Variants in TMEM115 observed in about 807,000 individuals in gnomAD.
TMEM115 encodes PP6.
TMEM115 carries 8 observed loss-of-function variants against 20.1 expected under a neutral mutation model. The ratio of observed to expected loss-of-function variants is 0.40; its 90% CI spans 0.23 to 0.72. The LOEUF is 0.72. TMEM115 is among the 30% of genes least tolerant of loss of function. The probability of loss-of-function intolerance (pLI) is 0.39; values close to 1 mark genes in which losing one functional copy is unlikely to be tolerated. For synonymous variants in TMEM115, 229 were observed against 206.2 expected (o/e 1.11, Z -0.95); for missense variants, 374 against 455.1 (o/e 0.82, Z 1.62).
At chr3:50,355,597 A>T in intron 1 of TMEM115, 50 bp from the exon 2 acceptor site, 2 of 1,513,434 alleles carry the variant, frequency 1.3e-6, no homozygotes, top group East Asian at 4.9e-5. Context: ...GCCTTGGCTC[A>T]TGCCCTCTAC....
rs774559391 is a variant in TMEM115, at chr3:50,358,417, C to T, written c.647G>A (p.Gly216Glu). ...RFYQRHSRGRGDMADHFAFAT... is the reference protein window; with the variant it reads ...RFYQRHSRGREDMADHFAFAT... ...GAAAGCAAAGTGGTCAGCCATGTCC[C>T]CTCGGCCCCGGCTATGGCGCTGGTA... is the stretch of plus-strand genomic sequence containing the variant. Residue 216 changes from glycine (G) to glutamate (E), a missense_variant, in exon 1 of 2, where the codon GGG becomes GAG. Physicochemically the swap from Gly to Glu is moderately conservative, Grantham distance 98. Coordinates refer to ENST00000266025, the MANE Select transcript of TMEM115 (RefSeq NM_007024.5). 2.5e-6 allele frequency: 4 copies of T among 1,613,932 alleles called. No homozygotes were observed. The highest frequency in any genetic ancestry group is 3.4e-6 in the Non-Finnish European group (4 of 1,180,038).
chr3:50,359,180 G>C lies in TMEM115; in HGVS notation c.-117C>G. 7.1e-7 allele frequency: 1 copy of C among 1,407,584 alleles called. No homozygotes were observed. Among genetic ancestry groups the C allele is most frequent in the South Asian group, 1.5e-5 (1 of 66,286 alleles). 87.2% of individuals were successfully genotyped at this position (1,407,584 alleles called of 1,614,324 possible). On this transcript the variant is annotated 5_prime_UTR_variant, in exon 1 of 2. Transcript: ENST00000266025. ...GGCCCGGCCTAGTCACTGGCCTATG[G>C]CCCTGGTAAAGGATCCGCTTCCGAT...
rs763228430 is a variant in TMEM115 at position 50,358,262 on chromosome 3, T to C, written c.802A>G (p.Ile268Val). ...TCTGTGCCTGGCAGGCTGATGGTGA[T>C]GGAGGATGGGGCACCCACATCGTAG... ...KRYDVGAPSS[I>V]TISLPGTDPQ... The change falls in exon 1 of 2, where the codon ATC becomes GTC. Residue 268 changes from isoleucine to valine, a missense_variant. Coordinates refer to ENST00000266025, the MANE Select transcript of TMEM115 (RefSeq NM_007024.5). The C allele has an allele frequency of 6.2e-7, 1 of 1,613,832 alleles. No individual in the cohort carries two copies. The highest frequency in any genetic ancestry group is 1.7e-5 in the Admixed American group (1 of 60,020).
intron 1 of TMEM115, 148 bp from the exon 2 acceptor site, chr3:50,355,695 A>T: frequency 3.1e-6 from 2 of 641,824 alleles, no homozygotes; most frequent in Non-Finnish European, 4.8e-6. Context: ...AGAGCCTGGG[A>T]CTCCCCAGAG....
chr3:50,359,285 G>C lies in TMEM115; in HGVS notation c.-222C>G. The C allele has an allele frequency of 1.4e-6, 1 of 713,096 alleles. No individual in the cohort carries two copies. Among genetic ancestry groups the C allele is most frequent in the South Asian group, 2.0e-5 (1 of 50,244 alleles). 44.2% of individuals were successfully genotyped at this position (713,096 alleles called of 1,614,324 possible). A position where few individuals can be genotyped will look rare whatever the true frequency, so the allele number is the denominator to read the frequency against. On this transcript the variant is annotated 5_prime_UTR_variant, in exon 1 of 2. Coordinates refer to ENST00000266025, the MANE Select transcript of TMEM115 (RefSeq NM_007024.5). ...CGTAGGCCCCTCGCCCGGGACCTGA[G>C]GGAAGGCCCTGGACGGCTGCGGCAC...
In TMEM115 at chr3:50,358,243, C is replaced by A. The variant is rs1284432250; in HGVS notation, c.821G>T (p.Gly274Val). The change falls in exon 1 of 2, where the codon GGC becomes GTC. Residue 274 changes from glycine (G) to valine (V), a missense_variant. Transcript: ENST00000266025. ...CCGCTCGGCGTCTTGAGGGTCTGTG[C>A]CTGGCAGGCTGATGGTGATGGAGGA... is the stretch of plus-strand genomic sequence containing the variant. ...APSSITISLP[G>V]TDPQDAERRR... 3.1e-6 allele frequency: 5 copies of A among 1,613,644 alleles called. No homozygotes were observed. Among genetic ancestry groups the A allele is most frequent in the Non-Finnish European group, 3.4e-6 (4 of 1,179,936 alleles).
chr3:50,355,922 T>C (rs1004023337), intron 1 of TMEM115, among the ~76,000 whole-genome samples: 2 of 152,206 alleles, frequency 1.3e-5, no homozygotes, highest in African/African-American at 4.8e-5. Flanking sequence ...TTCTGGAGTT[T>C]CCAGGAGTTT....
chr3:50,355,307 T>G lies in TMEM115; in HGVS notation c.*36A>C. 2 of 1,421,468 alleles carry G rather than the reference T, an allele frequency of 1.4e-6. No homozygotes were observed. The highest frequency in any genetic ancestry group is 1.9e-6 in the Non-Finnish European group (2 of 1,067,344). 88.1% of individuals were successfully genotyped at this position (1,421,468 alleles called of 1,614,324 possible). ...AGCTGAGAGGATGTCAAGGGGGGCT[T>G]GGGAGGGGAGGTGCCACACTCAAGG... On this transcript the variant is annotated 3_prime_UTR_variant, in exon 2 of 2. Coordinates refer to ENST00000266025, the MANE Select transcript of TMEM115 (RefSeq NM_007024.5).
rs868361120 is a variant in TMEM115, at chr3:50,358,719, G to A, written c.345C>T (p.Phe115=). The A allele has an allele frequency of 1.9e-6, 3 of 1,613,528 alleles. No individual in the cohort carries two copies. The highest frequency in any genetic ancestry group is 1.3e-5 in the African/African-American group (1 of 75,068). Residue 115 remains phenylalanine, a synonymous_variant, in exon 1 of 2, where the codon TTC becomes TTT. Coordinates refer to ENST00000266025, the MANE Select transcript of TMEM115 (RefSeq NM_007024.5). The part of the protein sequence containing the change: ...VNVSVGLLGA[F]AYLLTYMASF... ...AAGCCATGTAGGTGAGGAGGTAGGC[G>A]AAGGCCCCCAGCAGCCCTACAGACA...
rs1703917238 is a variant in TMEM115 at position 50,358,804 on chromosome 3, C to T, written c.260G>A (p.Arg87His). 4.3e-6 allele frequency: 7 copies of T among 1,613,228 alleles called. No homozygotes were observed. Among genetic ancestry groups the T allele is most frequent in the Non-Finnish European group, 5.9e-6 (7 of 1,180,038 alleles). The change falls in exon 1 of 2, where the codon CGT becomes CAT. Residue 87 changes from arginine (R) to histidine (H), a missense_variant. By Grantham distance (29) the Arg-to-His change is conservative (BLOSUM62 0). Transcript: ENST00000266025. ...ISLTTVVVAG[R>H]LLEPLWGALE... ...GGCCCCCCAGAGGGGCTCCAGCAAA[C>T]GCCCGGCCACCACCACCGTTGTCAG...
rs1703844687 is a variant in TMEM115, at chr3:50,355,016, T to G, written c.*327A>C. On this transcript the variant is annotated 3_prime_UTR_variant, in exon 2 of 2. Coordinates refer to ENST00000266025, the MANE Select transcript of TMEM115 (RefSeq NM_007024.5). ...GGCTCAGGGCTCTCGGCAACCAGTTTCAGATGTGAGGGCCGGCCCAGGAGC... is the reference window on the plus strand; with the variant it reads ...GGCTCAGGGCTCTCGGCAACCAGTTGCAGATGTGAGGGCCGGCCCAGGAGC... 3.9e-6 allele frequency: 1 copy of G among 258,868 alleles called. No individual in the cohort carries two copies. The highest frequency in any genetic ancestry group is 2.2e-5 in the African/African-American group (1 of 45,174). 16.0% of individuals were successfully genotyped at this position (258,868 alleles called of 1,614,324 possible).
In TMEM115 at chr3:50,358,714, T is replaced by C. The variant is rs369982914; in HGVS notation, c.350A>G (p.Tyr117Cys). 12 of 1,613,104 alleles carry C rather than the reference T, an allele frequency of 7.4e-6. No homozygotes were observed. Among genetic ancestry groups the C allele is most frequent in the Non-Finnish European group, 1.0e-5 (12 of 1,179,928 alleles). ...VSVGLLGAFA[Y>C]LLTYMASFNL... is the part of the protein sequence containing the mutation. The stretch of plus-strand genomic sequence containing the variant: ...GAAGGAAGCCATGTAGGTGAGGAGG[T>C]AGGCGAAGGCCCCCAGCAGCCCTAC... Residue 117 changes from tyrosine (Y) to cysteine (C), a missense_variant, in exon 1 of 2, where the codon TAC becomes TGC. Physicochemically the swap from Tyr to Cys is radical, Grantham distance 194 (BLOSUM62 -2). Transcript: ENST00000266025.
intron 1 of TMEM115, 169 bp downstream of exon 1, chr3:50,358,044 C>T: frequency 1.2e-6 from 1 of 853,932 alleles, no homozygotes; most frequent in Non-Finnish European, 1.8e-6. Flanking sequence ...GGACCCCAGA[C>T]ACCTAACTGC....
chr3:50,359,118 G>A lies in TMEM115; in HGVS notation c.-55C>T. The A allele has an allele frequency of 1.3e-6, 2 of 1,503,594 alleles. No homozygotes were observed. Among genetic ancestry groups the A allele is most frequent in the African/African-American group, 1.4e-5 (1 of 71,726 alleles). 93.1% of individuals were successfully genotyped at this position (1,503,594 alleles called of 1,614,324 possible). On this transcript the variant is annotated 5_prime_UTR_variant, in exon 1 of 2. Transcript: ENST00000266025. ...GGTCTGGTAGGCCAGGGGCCTCCCCGGGGCCTCGTCCTAGTCCGGCCCCGA... is the reference window on the plus strand; with the variant it reads ...GGTCTGGTAGGCCAGGGGCCTCCCCAGGGCCTCGTCCTAGTCCGGCCCCGA...
In TMEM115 at chr3:50,354,970, T is replaced by A. The variant is rs1703844054; in HGVS notation, c.*373A>T. On this transcript the variant is annotated 3_prime_UTR_variant, in exon 2 of 2. Coordinates refer to ENST00000266025, the MANE Select transcript of TMEM115 (RefSeq NM_007024.5). ...CTGCATTTGCTGGGCCCCCAGAACATTTTTGGCAAATCCTTGCCTTGGCTC... is the reference window on the plus strand; with the variant it reads ...CTGCATTTGCTGGGCCCCCAGAACAATTTTGGCAAATCCTTGCCTTGGCTC... 1 of 182,598 alleles carries A rather than the reference T, an allele frequency of 5.5e-6. No individual in the cohort carries two copies. The highest frequency in any genetic ancestry group is 2.0e-4 in the South Asian group (1 of 5,104). 11.3% of individuals were successfully genotyped at this position (182,598 alleles called of 1,614,324 possible).
At position 50,355,082 on chromosome 3, in the gene TMEM115, C is replaced by A; in HGVS notation, c.*261G>T. ...CCTGCAGCCACTTGCTTGGGGCTGC[C>A]AGCTGATGTACATTCTTACCTCAGA... On this transcript the variant is annotated 3_prime_UTR_variant, in exon 2 of 2. Transcript: ENST00000266025. 1 of 360,410 alleles carries A rather than the reference C, an allele frequency of 2.8e-6. No individual in the cohort carries two copies. The highest frequency in any genetic ancestry group is 5.0e-6 in the Non-Finnish European group (1 of 201,488). 22.3% of individuals were successfully genotyped at this position (360,410 alleles called of 1,614,324 possible).
chr3:50,358,376 C>A lies in TMEM115; in HGVS notation c.688G>T (p.Glu230Ter). The A allele has an allele frequency of 6.2e-7, 1 of 1,613,918 alleles. No individual in the cohort carries two copies. Among genetic ancestry groups the A allele is most frequent in the Middle Eastern group, 1.6e-4 (1 of 6,062 alleles). The stretch of plus-strand genomic sequence containing the variant: ...AAACCCACCACAGGCTGCAGGATCT[C>A]AGGGAAGAAAGTGGCGAAAGCAAAG... ...DHFAFATFFP[E>*]ILQPVVGLLA... Residue 230 changes from glutamate (E) to a stop codon, truncating the protein, a stop_gained, in exon 1 of 2, where the codon GAG becomes TAG. Coordinates refer to ENST00000266025, the MANE Select transcript of TMEM115 (RefSeq NM_007024.5). LOFTEE classifies it high-confidence loss of function.
At chr3:50,356,317 AC>A (rs1703868787) in intron 1 of TMEM115, among the ~76,000 whole-genome samples, 1 of 152,092 alleles carries the variant, frequency 6.6e-6, no homozygotes, top group Non-Finnish European at 1.5e-5. Context: ...GAAGGTTTAC[AC>A]ATGTGCTTGG....
Position 50,358,372 on chromosome 3 carries a change from ATC to A in TMEM115, c.690_691del (p.Glu230AspfsTer63). ...CAGCAAACCCACCACAGGCTGCAGG[ATC>A]TCAGGGAAGAAAGTGGCGAAAGCAA... is the stretch of plus-strand genomic sequence containing the variant. On this transcript the variant is annotated frameshift_variant, in exon 1 of 2. Transcript: ENST00000266025. LOFTEE classifies it high-confidence loss of function. The A allele has an allele frequency of 1.2e-6, 2 of 1,613,932 alleles. No individual in the cohort carries two copies. The highest frequency in any genetic ancestry group is 1.7e-6 in the Non-Finnish European group (2 of 1,180,026).
Sources: gnomAD v4.1 joint callset for allele counts (sites outside exome capture counted in the v4.1 genomes callset) on GRCh38, gnomAD v4.1.1 for gene constraint, MANE v1.5 for transcripts, NCBI Gene and HGNC (gene_info 2026-07-23, HGNC 2026-07-21) for gene names.